Variants in KIAA1217 observed in about 807,000 individuals in gnomAD.
KIAA1217 encodes sickle tail protein homolog.
KIAA1217 carries 88 observed loss-of-function variants against 163.9 expected under a neutral mutation model. That is an observed-to-expected ratio of 0.54 (90% confidence interval 0.45 to 0.64). The LOEUF (loss-of-function observed/expected upper bound fraction) is 0.64, where lower values mean the gene tolerates loss of function less well. Among genes scored for constraint, KIAA1217 ranks in the 30% least tolerant of loss-of-function variants. The pLI, the probability that KIAA1217 is intolerant of heterozygous loss-of-function variation, is 0.00. For synonymous variants in KIAA1217, 903 were observed against 923.1 expected, an observed-to-expected ratio of 0.98 and a Z score of 0.39; for missense variants, 2,372 against 2,475.0, an observed-to-expected ratio of 0.96 and a Z score of 0.88.
At chr10:24,337,395 G>C (rs1394216500) in intron 2 of KIAA1217, among the ~76,000 whole-genome samples, 1 of 152,136 alleles carries the variant, frequency 6.6e-6, no homozygotes, top group Non-Finnish European at 1.5e-5. Flanking sequence ...GAGTATGAAG[G>C]AGTATCTCAT....
intron 1 of KIAA1217, among the ~76,000 whole-genome samples, chr10:23,956,285 A>T (rs560165131): frequency 2.6e-5 from 4 of 152,244 alleles, no homozygotes; most frequent in Admixed American, 6.5e-5. Flanking sequence ...CAAATTTAAG[A>T]CCTAGAAAAT....
At chr10:24,012,540 A>G (rs1847280942) in intron 2 of KIAA1217, among the ~76,000 whole-genome samples, 2 of 152,214 alleles carry the variant, frequency 1.3e-5, no homozygotes, top group African/African-American at 4.8e-5. Context: ...TCTGATTATA[A>G]GATAGTAGTC....
At position 24,158,213 on chromosome 10, in the gene KIAA1217, C is replaced by A; in HGVS notation, c.-170-61413C>A. On this transcript the variant is annotated intron_variant, in intron 2 of 18. Transcript: ENST00000376462. ...AGTCCTCTTACTGGAGTTACATCTACTCCTGGAACAGGGCAAAGTACGTTT... is the reference window on the plus strand; with the variant it reads ...AGTCCTCTTACTGGAGTTACATCTAATCCTGGAACAGGGCAAAGTACGTTT... 4 of 735,396 alleles carry A rather than the reference C, an allele frequency of 5.4e-6. 1 individual carries two copies. Among genetic ancestry groups the A allele is most frequent in the Non-Finnish European group, 1.0e-5 (4 of 388,654 alleles). 45.6% of individuals were successfully genotyped at this position (735,396 alleles called of 1,614,324 possible).
At chr10:23,774,592 T>G (rs1250236199) in intron 1 of KIAA1217, among the ~76,000 whole-genome samples, 1 of 152,144 alleles carries the variant, frequency 6.6e-6, no homozygotes, top group Non-Finnish European at 1.5e-5. Flanking sequence ...TGTGAGCATC[T>G]CCAGGCTCGA....
chr10:23,815,999 A>G (rs1391369190), intron 1 of KIAA1217, among the ~76,000 whole-genome samples: 1 of 152,190 alleles, frequency 6.6e-6, no homozygotes, highest in Admixed American at 6.5e-5. Flanking sequence ...GTTAAGTTAC[A>G]TTGAAATTAA....
chr10:24,419,959 C>T (rs544918631), intron 3 of KIAA1217, among the ~76,000 whole-genome samples: 12 of 151,928 alleles, frequency 7.9e-5, no homozygotes, highest in African/African-American at 4.8e-5. Flanking sequence ...AATTTGTTAC[C>T]GCTGTTAACT....
At chr10:23,727,733 G>A (rs1838251284) in intron 1 of KIAA1217, among the ~76,000 whole-genome samples, 1 of 152,094 alleles carries the variant, frequency 6.6e-6, no homozygotes, top group Middle Eastern at 3.2e-3. Context: ...TGCCATGGTG[G>A]TTTGCTGCAC....
At position 23,896,672 on chromosome 10, in the gene KIAA1217, A is replaced by G. The variant is rs144082660; in HGVS notation, c.-320-110553A>G. Among the ~76,000 whole-genome samples the G allele has an allele frequency of 3.0e-3, 461 of 152,204 alleles. 2 individuals are homozygous for G. Among genetic ancestry groups the G allele is most frequent in the Admixed American group, 4.5e-3 (68 of 15,262 alleles). Reference sequence around the variant, plus strand: ...CCAGTTATTTTGAAGGAGGCATCCTAAAGGTTGGGTTAATCTCTTAAGAAG... The same window carrying G: ...CCAGTTATTTTGAAGGAGGCATCCTGAAGGTTGGGTTAATCTCTTAAGAAG... On this transcript the variant is annotated intron_variant, in intron 1 of 18. Coordinates refer to the KIAA1217 transcript ENST00000376462.
At chr10:23,809,589 A>G (rs937527668) in intron 1 of KIAA1217, among the ~76,000 whole-genome samples, 8 of 152,194 alleles carry the variant, frequency 5.3e-5, no homozygotes, top group African/African-American at 1.9e-4. Flanking sequence ...CACTGTAACT[A>G]AATGCTTTAA....
intron 1 of KIAA1217, among the ~76,000 whole-genome samples, chr10:23,986,416 TA>T (rs1396917848): frequency 6.6e-6 from 1 of 152,238 alleles, no homozygotes; most frequent in Non-Finnish European, 1.5e-5. Context: ...GTCTCTGATA[TA>T]AAATGGTGTA....
intron 2 of KIAA1217, among the ~76,000 whole-genome samples, chr10:24,034,906 T>A (rs1317569400): frequency 6.6e-6 from 1 of 152,186 alleles, no homozygotes; most frequent in Admixed American, 6.5e-5. Flanking sequence ...CATGCACACA[T>A]CCTATCTGGG....
At chr10:23,717,458 C>T (rs965114383) in intron 1 of KIAA1217, among the ~76,000 whole-genome samples, 42 of 152,082 alleles carry the variant, frequency 2.8e-4, no homozygotes, top group African/African-American at 4.6e-4. Context: ...ACTCACAAGG[C>T]GAGTTTTGGC....
Position 24,433,107 on chromosome 10 carries a change from C to T in KIAA1217, c.666C>T (p.Leu222=), listed in dbSNP as rs1477602968. 3.7e-6 allele frequency: 6 copies of T among 1,614,100 alleles called. No homozygotes were observed. Among genetic ancestry groups the T allele is most frequent in the South Asian group, 1.1e-5 (1 of 91,070 alleles). The stretch of plus-strand genomic sequence containing the variant: ...TCGTAAGTGCCTTTCCACAGCAGCT[C>T]ACCATGAAAATGCTGGAATCGCCCA... ...ALFVSAFPQQ[L]TMKMLESPSV... Residue 222 remains leucine (L), a synonymous_variant, in exon 4 of 21, where the codon CTC becomes CTT. Transcript: ENST00000376454.
chr10:23,940,558 G>A (rs558964574), intron 1 of KIAA1217, among the ~76,000 whole-genome samples: 1 of 149,628 alleles, frequency 6.7e-6, no homozygotes, highest in Non-Finnish European at 1.5e-5. Context: ...CATCAAGTAT[G>A]TAAGACTTAA....
At chr10:24,022,442 A>C (rs1342197801) in intron 2 of KIAA1217, among the ~76,000 whole-genome samples, 1 of 151,752 alleles carries the variant, frequency 6.6e-6, no homozygotes. Flanking sequence ...AAATAAAAAA[A>C]TTTTAAAAAG....
intron 2 of KIAA1217, among the ~76,000 whole-genome samples, chr10:24,344,063 G>A (rs1176695278): frequency 6.6e-6 from 1 of 152,192 alleles, no homozygotes; most frequent in Non-Finnish European, 1.5e-5. Flanking sequence ...GCTTAATGAA[G>A]AGGCCTCTTT....
At chr10:24,140,565 A>G (rs1334252881) in intron 2 of KIAA1217, among the ~76,000 whole-genome samples, 2 of 152,098 alleles carry the variant, frequency 1.3e-5, no homozygotes, top group Non-Finnish European at 2.9e-5. Context: ...GATCCTCTGG[A>G]CAAAGGGATG....
chr10:24,006,093 A>G (rs1463518824), intron 1 of KIAA1217, among the ~76,000 whole-genome samples: 1 of 152,218 alleles, frequency 6.6e-6, no homozygotes, highest in East Asian at 1.9e-4. Flanking sequence ...TGAAAATAAA[A>G]CTTTAAGTAT....
At chr10:23,891,926 C>T (rs1430434047) in intron 1 of KIAA1217, among the ~76,000 whole-genome samples, 8 of 151,872 alleles carry the variant, frequency 5.3e-5, no homozygotes, top group Non-Finnish European at 1.0e-4. Flanking sequence ...GTATCAACTA[C>T]TCATATTTTT....
Sources: gnomAD v4.1 joint callset for allele counts (sites outside exome capture counted in the v4.1 genomes callset) on GRCh38, gnomAD v4.1.1 for gene constraint, MANE v1.5 for transcripts, NCBI Gene and HGNC (gene_info 2026-07-23, HGNC 2026-07-21) for gene names.